Variants in MAGI2 observed in about 807,000 individuals in gnomAD.
MAGI2 encodes the protein membrane associated guanylate kinase, WW and PDZ domain containing 2, also known as membrane-associated guanylate kinase, WW and PDZ domain-containing protein 2.
In MAGI2, 35 loss-of-function variants were observed where a neutral mutation model predicts 133.3. That is an observed-to-expected ratio of 0.26 (90% CI 0.20 to 0.35). MAGI2 has a LOEUF of 0.35. MAGI2 is among the 10% of genes least tolerant of loss of function. MAGI2 has a pLI of 1.00. For missense variants in MAGI2, 1,636 were observed against 1,863.4 expected (o/e 0.88, Z 2.25); for synonymous variants, 729 against 710.6 (o/e 1.03, Z -0.41).
intron 2 of MAGI2, among the ~76,000 whole-genome samples, chr7:78,786,800 T>G (rs37853): frequency 0.14 from 20,984 of 152,108 alleles, 2,258 homozygotes; most frequent in East Asian, 0.32. Flanking sequence ...TCATCTTTTT[T>G]GTTGTGTGCC....
At chr7:78,328,230 C>A (rs942383283) in intron 9 of MAGI2, among the ~76,000 whole-genome samples, 4 of 151,788 alleles carry the variant, frequency 2.6e-5, no homozygotes, top group East Asian at 1.9e-4. Context: ...TTAAAAAAAA[C>A]CCAAAAACCC....
intron 1 of MAGI2, among the ~76,000 whole-genome samples, chr7:79,331,314 C>A (rs908092797): frequency 6.6e-6 from 1 of 152,044 alleles, no homozygotes; most frequent in African/African-American, 2.4e-5. Context: ...ATATATTATG[C>A]ATTTTTATGT....
chr7:78,626,520 G>A (rs941223448), intron 3 of MAGI2, among the ~76,000 whole-genome samples: 1 of 152,146 alleles, frequency 6.6e-6, no homozygotes, highest in African/African-American at 2.4e-5. Flanking sequence ...CTTCCACTGA[G>A]GCATATTTCC....
At chr7:79,370,052 G>A (rs970457492) in intron 1 of MAGI2, among the ~76,000 whole-genome samples, 18 of 151,662 alleles carry the variant, frequency 1.2e-4, no homozygotes, top group African/African-American at 4.4e-4. Flanking sequence ...TCTTTTTAGT[G>A]GTAATCATAA....
intron 1 of MAGI2, among the ~76,000 whole-genome samples, chr7:79,154,294 A>G: frequency 6.6e-6 from 1 of 152,234 alleles, no homozygotes; most frequent in East Asian, 1.9e-4. Flanking sequence ...CATTTGACAA[A>G]AGAGCAAAGA....
intron 2 of MAGI2, among the ~76,000 whole-genome samples, chr7:78,914,638 A>G (rs1798650334): frequency 6.6e-6 from 1 of 152,286 alleles, no homozygotes; most frequent in Admixed American, 6.5e-5. Flanking sequence ...AATAAATACT[A>G]TTCTTCATTA....
At chr7:78,657,867 C>T (rs1311252450) in intron 2 of MAGI2, among the ~76,000 whole-genome samples, 1 of 151,980 alleles carries the variant, frequency 6.6e-6, no homozygotes, top group Admixed American at 6.6e-5. Flanking sequence ...CAGTGGGTGA[C>T]GTTAATCATG....
At chr7:78,318,345 A>G (rs4628187) in intron 9 of MAGI2, among the ~76,000 whole-genome samples, 34,227 of 152,154 alleles carry the variant, frequency 0.22, 5,127 homozygotes, top group African/African-American at 0.4. Context: ...ATCAATAGCC[A>G]AATCGATTAA....
chr7:79,082,270 G>A (rs1562870175), intron 1 of MAGI2, among the ~76,000 whole-genome samples: 2 of 152,004 alleles, frequency 1.3e-5, no homozygotes. Flanking sequence ...TGCTTTTGGT[G>A]TGATATCTAA....
At chr7:79,321,979 G>A (rs1423382642) in intron 1 of MAGI2, among the ~76,000 whole-genome samples, 1 of 152,154 alleles carries the variant, frequency 6.6e-6, no homozygotes, top group Non-Finnish European at 1.5e-5. Context: ...AATGGGATGA[G>A]ATTATGAATT....
At chr7:79,122,611 A>G (rs919115843) in intron 1 of MAGI2, among the ~76,000 whole-genome samples, 1 of 152,110 alleles carries the variant, frequency 6.6e-6, no homozygotes, top group Non-Finnish European at 1.5e-5. Flanking sequence ...CATATTTTCT[A>G]GTGAGAAACA....
intron 14 of MAGI2, among the ~76,000 whole-genome samples, chr7:78,174,154 A>C (rs1047598651): frequency 6.6e-6 from 1 of 152,168 alleles, no homozygotes; most frequent in African/African-American, 2.4e-5. Flanking sequence ...TTGGTGGAAA[A>C]AATACAGTCT....
At chr7:78,164,981 G>A (rs1825480573) in intron 15 of MAGI2, among the ~76,000 whole-genome samples, 1 of 152,146 alleles carries the variant, frequency 6.6e-6, no homozygotes, top group Non-Finnish European at 1.5e-5. Flanking sequence ...GCATGGATAA[G>A]GCATCTTCTC....
intron 2 of MAGI2, among the ~76,000 whole-genome samples, chr7:78,638,760 G>T (rs1809952282): frequency 6.6e-6 from 1 of 151,956 alleles, no homozygotes; most frequent in African/African-American, 2.4e-5. Context: ...GAAGACAAAT[G>T]ACCCTTTTGT....
chr7:79,393,084 C>G lies in MAGI2; in HGVS notation c.301+59936G>C, dbSNP rs1358510869. Among the ~76,000 whole-genome samples the G allele has an allele frequency of 2.0e-5, 3 of 152,140 alleles. No homozygotes were observed. The East Asian group carries it at 5.8e-4, about 29-fold the overall frequency. On this transcript the variant is annotated intron_variant, in intron 1 of 21. Transcript: ENST00000354212. ...TTTATTCTCCACTAGTATCTATTTG[C>G]AGTGTATATTTGGTTAGGAAACTTG...
intron 2 of MAGI2, among the ~76,000 whole-genome samples, chr7:78,888,389 C>G (rs1283186526): frequency 6.6e-6 from 1 of 152,162 alleles, no homozygotes; most frequent in Non-Finnish European, 1.5e-5. Flanking sequence ...TAGCGGTTCT[C>G]CCAGCACCCA....
chr7:78,247,431 T>C (rs966623572), intron 10 of MAGI2, among the ~76,000 whole-genome samples: 4 of 151,644 alleles, frequency 2.6e-5, no homozygotes, highest in African/African-American at 9.8e-5. Flanking sequence ...ACAATAACTC[T>C]GTAACTAACC....
rs1232614834 is a variant in MAGI2, at chr7:79,149,880, A to G, written c.302-142674T>C. On this transcript the variant is annotated intron_variant, in intron 1 of 21. Transcript: ENST00000354212. ...CAAATTTTTTAAAAATGGCATTTAA[A>G]TGCCTGAAATTAGGAAAGACTTTAG... Among the ~76,000 whole-genome samples, 5 of 152,364 alleles carry G rather than the reference A, an allele frequency of 3.3e-5. No individual in the cohort carries two copies. In the East Asian group the frequency reaches 9.6e-4, roughly 29 times the overall value.
chr7:78,808,846 G>A (rs1788805502), intron 2 of MAGI2, among the ~76,000 whole-genome samples: 1 of 152,166 alleles, frequency 6.6e-6, no homozygotes, highest in South Asian at 2.1e-4. Flanking sequence ...CACCCAGGTA[G>A]GGGTGCAGGA....
Sources: allele counts gnomAD v4.1 joint callset (sites outside exome capture counted in the v4.1 genomes callset), GRCh38; gene constraint gnomAD v4.1.1; transcripts MANE v1.5; gene names NCBI Gene and HGNC (gene_info 2026-07-23, HGNC 2026-07-21).